The following DLEU7 variants were observed in gnomAD, a reference collection of about 807,000 sequenced individuals.
The protein encoded by DLEU7 is leukemia-associated protein 7.
A neutral mutation model predicts 16.0 loss-of-function variants in DLEU7; 17 were observed. The ratio of observed to expected loss-of-function variants is 1.06; its 90% confidence interval spans 0.73 to 1.59. The LOEUF (loss-of-function observed/expected upper bound fraction) is 1.59. DLEU7 is among the 40% of genes most tolerant of loss of function. The pLI, the probability that DLEU7 is intolerant of heterozygous loss-of-function variation, is 0.00. For missense variants in DLEU7, 308 were observed against 314.9 expected, an observed-to-expected ratio of 0.98 and a Z score of 0.17; for synonymous variants, 113 against 139.8, an observed-to-expected ratio of 0.81 and a Z score of 1.35.
At chr13:50,771,211 C>A (rs935639363) in intron 1 of DLEU7, among the ~76,000 whole-genome samples, 1 of 152,048 alleles carries the variant, frequency 6.6e-6, no homozygotes, top group African/African-American at 2.4e-5. Flanking sequence ...TTTCAAAAAA[C>A]CAGCTCCTGG....
intron 1 of DLEU7, among the ~76,000 whole-genome samples, chr13:50,751,253 A>ACC (rs1278212640): frequency 6.6e-6 from 1 of 152,172 alleles, no homozygotes; most frequent in Non-Finnish European, 1.5e-5. Context: ...CATATGTTAA[A>ACC]CCATCCCTGC....
chr13:50,731,898 C>T (rs927013263), intron 1 of DLEU7, among the ~76,000 whole-genome samples: 1 of 152,100 alleles, frequency 6.6e-6, no homozygotes, highest in African/African-American at 2.4e-5. Context: ...TAAGTGAAAT[C>T]GTTAAAAATC....
intron 1 of DLEU7, among the ~76,000 whole-genome samples, chr13:50,750,229 A>C (rs780241912): frequency 6.6e-6 from 1 of 152,098 alleles, no homozygotes; most frequent in Non-Finnish European, 1.5e-5. Context: ...TGCTTTGTTG[A>C]AGATCAATTG....
At chr13:50,753,029 A>G (rs1874624999) in intron 1 of DLEU7, among the ~76,000 whole-genome samples, 1 of 152,104 alleles carries the variant, frequency 6.6e-6, no homozygotes, top group Non-Finnish European at 1.5e-5. Flanking sequence ...CTACATAAAG[A>G]GTGTTGACAC....
intron 1 of DLEU7, among the ~76,000 whole-genome samples, chr13:50,781,105 T>C (rs1364789926): frequency 6.6e-6 from 1 of 152,220 alleles, no homozygotes; most frequent in Non-Finnish European, 1.5e-5. Flanking sequence ...TGGCTATTTT[T>C]CTAAATCAAG....
chr13:50,732,119 C>T (rs1333434864), intron 1 of DLEU7, among the ~76,000 whole-genome samples: 1 of 152,114 alleles, frequency 6.6e-6, no homozygotes, highest in Admixed American at 6.5e-5. Flanking sequence ...AACAGTTTTC[C>T]AAAACTATCT....
chr13:50,742,435 A>G (rs979334850), intron 1 of DLEU7, among the ~76,000 whole-genome samples: 4 of 152,198 alleles, frequency 2.6e-5, no homozygotes, highest in Admixed American at 2.6e-4. Flanking sequence ...TTCTTTAGAA[A>G]TCAGGCAACA....
intron 1 of DLEU7, among the ~76,000 whole-genome samples, chr13:50,809,429 G>A (rs139901698): frequency 1.3e-5 from 2 of 152,018 alleles, no homozygotes; most frequent in South Asian, 2.1e-4. Flanking sequence ...ATTACTTGAC[G>A]CCGGACATAA....
upstream of DLEU7, chr13:50,843,771 CGT>C (rs1877776972): frequency 1.5e-5 from 20 of 1,300,376 alleles, no homozygotes; most frequent in Non-Finnish European, 2.0e-5. The surrounding 1 kb of genome is among the most constrained non-coding windows in gnomAD (Gnocchi z 5.7). Context: ...GGTCTCACAG[CGT>C]GTGTGGTCGG....
downstream of DLEU7, chr13:50,711,630 T>C (rs2137697195): frequency 6.6e-6 from 1 of 152,308 alleles, no homozygotes; most frequent in African/African-American, 2.4e-5. Flanking sequence ...CCAATCCACG[T>C]GAATGTTCTG....
At chr13:50,720,191 G>A (rs757283275) in intron 1 of DLEU7, among the ~76,000 whole-genome samples, 1 of 152,170 alleles carries the variant, frequency 6.6e-6, no homozygotes, top group Non-Finnish European at 1.5e-5. Context: ...TGGAACCAGG[G>A]CATCGTCCCT....
At chr13:50,791,876 C>A (rs1875969083) in intron 1 of DLEU7, among the ~76,000 whole-genome samples, 1 of 152,166 alleles carries the variant, frequency 6.6e-6, no homozygotes, top group African/African-American at 2.4e-5. Context: ...CTTTGATCAC[C>A]TTTTCCTATG....
At position 50,782,231 on chromosome 13, in the gene DLEU7, G is replaced by A. The variant is rs77170692; in HGVS notation, c.459+60957C>T. On this transcript the variant is annotated intron_variant, in intron 1 of 1. Coordinates refer to the DLEU7 transcript ENST00000400393. ...TAAAAATCATTTTTCATTAGTCTTTGTAACTAGACTTTAGTACAGTGACTG... is the reference window on the plus strand; with the variant it reads ...TAAAAATCATTTTTCATTAGTCTTTATAACTAGACTTTAGTACAGTGACTG... Among the ~76,000 whole-genome samples the A allele has an allele frequency of 8.5e-3, 1,296 of 152,246 alleles. 18 individuals carry two copies. The highest frequency in any genetic ancestry group is 0.029 in the African/African-American group (1,204 of 41,536).
intron 1 of DLEU7, among the ~76,000 whole-genome samples, chr13:50,838,271 G>T (rs1008517786): frequency 6.6e-6 from 1 of 152,184 alleles, no homozygotes; most frequent in Non-Finnish European, 1.5e-5. Context: ...ATTGAAACGG[G>T]TGAGCTCACA....
chr13:50,719,930 A>G (rs1873549354), intron 1 of DLEU7, among the ~76,000 whole-genome samples: 1 of 152,226 alleles, frequency 6.6e-6, no homozygotes, highest in African/African-American at 2.4e-5. Context: ...CTGACCCGAA[A>G]GTCACATTCT....
intron 1 of DLEU7, among the ~76,000 whole-genome samples, chr13:50,719,114 T>C (rs2137704519): frequency 6.6e-6 from 1 of 152,256 alleles, no homozygotes; most frequent in Admixed American, 6.5e-5. Flanking sequence ...TTGGGAATAA[T>C]AAAATAAAGA....
intron 1 of DLEU7, among the ~76,000 whole-genome samples, chr13:50,758,610 A>T (rs889809817): frequency 2.0e-5 from 3 of 152,178 alleles, no homozygotes; most frequent in Non-Finnish European, 4.4e-5. Flanking sequence ...GGGGGAAGTC[A>T]GCTCTAAGCC....
chr13:50,836,491 G>A (rs1171285199), intron 1 of DLEU7, among the ~76,000 whole-genome samples: 2 of 152,070 alleles, frequency 1.3e-5, no homozygotes, highest in Non-Finnish European at 2.9e-5. Context: ...TGGCTAATAT[G>A]GTGAAACCCT....
intron 1 of DLEU7, among the ~76,000 whole-genome samples, chr13:50,763,578 A>C (rs185917077): frequency 6.6e-6 from 1 of 152,328 alleles, no homozygotes; most frequent in Non-Finnish European, 1.5e-5. Context: ...TAAACAGCAA[A>C]GTGGGAAACA....
Sources: gnomAD v4.1 joint callset for allele counts (sites outside exome capture counted in the v4.1 genomes callset) on GRCh38, gnomAD v4.1.1 for gene constraint, Gnocchi (gnomAD v3.1) non-coding constraint, MANE v1.5 for transcripts, NCBI Gene and HGNC (gene_info 2026-07-23, HGNC 2026-07-21) for gene names.